ADCY2: variants seen among roughly 807,000 people sequenced by gnomAD.
ADCY2 encodes adenylate cyclase 2.
A neutral mutation model predicts 125.2 loss-of-function variants in ADCY2; 31 were observed. The observed-to-expected ratio is 0.25, with a 90% CI of 0.19 to 0.33. The LOEUF is 0.33. Ranked by LOEUF, ADCY2 falls within the 10% of genes least tolerant of loss-of-function variation. ADCY2 has a pLI of 1.00. For missense variants in ADCY2, 904 were observed against 1,418.2 expected, an observed-to-expected ratio of 0.64 and a Z score of 5.82; for synonymous variants, 512 against 548.4, an observed-to-expected ratio of 0.93 and a Z score of 0.93.
chr5:7,562,592 C>T (rs10042412), intron 3 of ADCY2, among the ~76,000 whole-genome samples: 4,189 of 152,122 alleles, frequency 0.028, 188 homozygotes, highest in African/African-American at 0.096. Context: ...GAATCATTTC[C>T]ATCCTGGAGC....
At chr5:7,649,347 G>A (rs775622312) in intron 4 of ADCY2, among the ~76,000 whole-genome samples, 2 of 152,204 alleles carry the variant, frequency 1.3e-5, no homozygotes, top group Non-Finnish European at 2.9e-5. Flanking sequence ...GCACAGCTGA[G>A]CTCTCAATGT....
rs574617635 is a variant in ADCY2 at position 7,631,119 on chromosome 5, ATCT to A, written c.720+4809_720+4811del. ...CTCTGACTTTTGATTCTGCTGTTGC[ATCT>A]TCTTCCTTTTCTCTGACTCCAACCC... On this transcript the variant is annotated intron_variant, in intron 4 of 24. Transcript: ENST00000338316. Among the ~76,000 whole-genome samples the A allele has an allele frequency of 3.3e-3, 495 of 152,138 alleles. 4 individuals carry two copies. Among genetic ancestry groups the A allele is most frequent in the African/African-American group, 0.012 (479 of 41,508 alleles).
chr5:7,512,226 A>AAAAAAAAAAAG (rs1744090528), intron 2 of ADCY2, among the ~76,000 whole-genome samples: 1 of 146,208 alleles, frequency 6.8e-6, no homozygotes, highest in African/African-American at 2.6e-5. Flanking sequence ...ATCAAAAAAA[A>AAAAAAAAAAAG]AAAAAAAAAA....
chr5:7,625,068 A>G (rs80207212), intron 3 of ADCY2, among the ~76,000 whole-genome samples: 2,238 of 152,354 alleles, frequency 0.015, 52 homozygotes, highest in African/African-American at 0.049. Context: ...CATATCAATA[A>G]CTTAAAAATA....
chr5:7,640,624 A>G (rs1738666638), intron 4 of ADCY2, among the ~76,000 whole-genome samples: 1 of 152,210 alleles, frequency 6.6e-6, no homozygotes, highest in South Asian at 2.1e-4. Flanking sequence ...TTTCTCATGT[A>G]AATTAGCATT....
chr5:7,460,874 GTTCT>G (rs1741892802), intron 2 of ADCY2, among the ~76,000 whole-genome samples: 1 of 152,190 alleles, frequency 6.6e-6, no homozygotes, highest in African/African-American at 2.4e-5. Context: ...GACATTATAA[GTTCT>G]TTCTTTAAGC....
At chr5:7,632,689 C>T (rs1738357463) in intron 4 of ADCY2, among the ~76,000 whole-genome samples, 2 of 152,180 alleles carry the variant, frequency 1.3e-5, no homozygotes, top group Non-Finnish European at 2.9e-5. Context: ...CAGTTTGCAC[C>T]ACACTGTATT....
chr5:7,634,736 A>G (rs1331001404), intron 4 of ADCY2, among the ~76,000 whole-genome samples: 1 of 151,824 alleles, frequency 6.6e-6, no homozygotes, highest in Admixed American at 6.6e-5. Context: ...GGTGCTGGCA[A>G]TTTTCCCAGG....
intron 11 of ADCY2, among the ~76,000 whole-genome samples, chr5:7,713,336 C>CA (rs995399106): frequency 5.3e-5 from 8 of 150,948 alleles, no homozygotes; most frequent in East Asian, 1.9e-4. Flanking sequence ...ACTAAAAATA[C>CA]AAAAAAAATT....
In ADCY2 at chr5:7,816,110, G is replaced by T. The variant is rs1745103547; in HGVS notation, c.2884-756G>T. ...ATTTTATCTTAATCACCCCTTTAAAGACCCTATCTCCAAATATGGTCATAT... is the reference window on the plus strand; with the variant it reads ...ATTTTATCTTAATCACCCCTTTAAATACCCTATCTCCAAATATGGTCATAT... On this transcript the variant is annotated intron_variant, in intron 22 of 24. Coordinates refer to ENST00000338316, the MANE Select transcript of ADCY2 (RefSeq NM_020546.3). 1.3e-5 allele frequency among the ~76,000 whole-genome samples: 2 copies of T among 152,170 alleles called. 1 individual carries two copies. Among genetic ancestry groups the T allele is most frequent in the East Asian group, 3.9e-4 (2 of 5,180 alleles).
chr5:7,433,229 T>C (rs1195261405), intron 2 of ADCY2, among the ~76,000 whole-genome samples: 2 of 152,208 alleles, frequency 1.3e-5, no homozygotes, highest in African/African-American at 4.8e-5. Context: ...TAGAATAAAG[T>C]TACTGAGATG....
intron 24 of ADCY2, among the ~76,000 whole-genome samples, chr5:7,825,237 C>CT (rs1297430272): frequency 6.6e-6 from 1 of 152,090 alleles, no homozygotes; most frequent in Non-Finnish European, 1.5e-5. Flanking sequence ...GACAACGCTG[C>CT]TGTGTGACAT....
At chr5:7,420,380 G>A (rs1174016862) in intron 2 of ADCY2, among the ~76,000 whole-genome samples, 1 of 152,156 alleles carries the variant, frequency 6.6e-6, no homozygotes, top group Non-Finnish European at 1.5e-5. Flanking sequence ...TTCAGTGTGT[G>A]CCCCTGAGAA....
At position 7,414,713 on chromosome 5, in the gene ADCY2, T is replaced by C. The variant is rs145083777; in HGVS notation, c.351T>C (p.Leu117=). 1.9e-6 allele frequency: 3 copies of C among 1,613,864 alleles called. No individual in the cohort carries two copies. In the African/African-American group the frequency reaches 4.0e-5, roughly 22 times the overall value. Residue 117 remains leucine (L), a synonymous_variant, in exon 2 of 25, where the codon CTT becomes CTC. Coordinates refer to ENST00000338316, the MANE Select transcript of ADCY2 (RefSeq NM_020546.3). Reference sequence around the variant, plus strand: ...TCTCGTTGGTGATATGGATATGCCTTGTTGCCATGGGATACCTGTTCATGT... The same window carrying C: ...TCTCGTTGGTGATATGGATATGCCTCGTTGCCATGGGATACCTGTTCATGT... ...RLFSLVIWIC[L]VAMGYLFMCF... is the part of the protein sequence containing the mutation.
In ADCY2 at chr5:7,415,391, C is replaced by T. The variant is rs547312652; in HGVS notation, c.408+621C>T. On this transcript the variant is annotated intron_variant, in intron 2 of 24. Transcript: ENST00000338316. The stretch of plus-strand genomic sequence containing the variant: ...CGGGGCCTCATACTGTCACTTGTTT[C>T]GGATAGCTGAGCTTCAATTCTGTCC... 1.2e-4 allele frequency among the ~76,000 whole-genome samples: 19 copies of T among 152,244 alleles called. No homozygotes were observed. In the South Asian group the frequency reaches 3.1e-3, roughly 25 times the overall value.
chr5:7,482,484 AT>A (rs1742765913), intron 2 of ADCY2, among the ~76,000 whole-genome samples: 1 of 152,092 alleles, frequency 6.6e-6, no homozygotes. Context: ...GTGCTTGAAG[AT>A]GTGGAGCAAA....
At position 7,794,076 on chromosome 5, in the gene ADCY2, A is replaced by G. The variant is rs561760342; in HGVS notation, c.2628+4276A>G. The stretch of plus-strand genomic sequence containing the variant: ...CTTGCAGTCTCGCTGCTGACCTGAC[A>G]TGTTCTCTGGAAGGGAGAAGAGTGG... On this transcript the variant is annotated intron_variant, in intron 20 of 24. Transcript: ENST00000338316. 7.9e-5 allele frequency: 12 copies of G among 152,278 alleles called. 1 individual carries two copies. In the South Asian group the frequency reaches 2.5e-3, roughly 32 times the overall value. 9.4% of individuals were successfully genotyped at this position (152,278 alleles called of 1,614,324 possible). A position where few individuals can be genotyped will look rare whatever the true frequency, so the allele number is the denominator to read the frequency against.
chr5:7,572,595 T>C (rs777376938), intron 3 of ADCY2, among the ~76,000 whole-genome samples: 2 of 152,188 alleles, frequency 1.3e-5, no homozygotes, highest in Non-Finnish European at 2.9e-5. Context: ...TTCTGTAGGT[T>C]GTCTGTTTAC....
chr5:7,405,955 G>C (rs1045901648), intron 1 of ADCY2, among the ~76,000 whole-genome samples: 1 of 152,042 alleles, frequency 6.6e-6, no homozygotes, highest in African/African-American at 2.4e-5. Flanking sequence ...ACCTCCCTGG[G>C]CTCAAGTTAT....
Sources: gnomAD v4.1 joint callset for allele counts (sites outside exome capture counted in the v4.1 genomes callset) on GRCh38, gnomAD v4.1.1 for gene constraint, MANE v1.5 for transcripts, NCBI Gene and HGNC (gene_info 2026-07-23, HGNC 2026-07-21) for gene names.